NR5A2: variants seen among roughly 807,000 people sequenced by gnomAD.
NR5A2 encodes CYP7A promoter-binding factor.
A neutral mutation model predicts 62.7 loss-of-function variants in NR5A2; 26 were observed. The ratio of observed to expected loss-of-function variants is 0.41; its 90% CI spans 0.30 to 0.58. The LOEUF is 0.58. Ranked by LOEUF, NR5A2 falls within the 20% of genes least tolerant of loss-of-function variation. The probability of loss-of-function intolerance (pLI) is 0.22; values close to 1 mark genes in which losing one functional copy is unlikely to be tolerated. For synonymous variants in NR5A2, 246 were observed against 241.7 expected (o/e 1.02, Z -0.16); for missense variants, 541 against 669.1 (o/e 0.81, Z 2.11).
chr1:200,029,277 T>C (rs1236163849), intron 1 of NR5A2: 3 of 181,592 alleles, frequency 1.7e-5, no homozygotes, highest in Non-Finnish European at 3.3e-5. Context: ...GGGCTCCTGC[T>C]GCGCGCAGCC....
At chr1:200,137,127 GCC>G (rs1667256451) in intron 7 of NR5A2, among the ~76,000 whole-genome samples, 1 of 148,284 alleles carries the variant, frequency 6.7e-6, no homozygotes, top group African/African-American at 2.5e-5. Context: ...GAGCCACTGT[GCC>G]TGGCCAGATT....
rs3790782 is a variant in NR5A2, at chr1:200,173,435, G to A, written c.1379-528G>A. On this transcript the variant is annotated intron_variant, in intron 7 of 7. Coordinates refer to ENST00000367362, the MANE Select transcript of NR5A2 (RefSeq NM_205860.3). ...CTGGAGTGTACCAGATGGTTCATTA[G>A]CATAGGCTAGACAAGTCAAAGACTT... 4.2e-3 allele frequency among the ~76,000 whole-genome samples: 636 copies of A among 152,318 alleles called. 13 individuals carry two copies. Among genetic ancestry groups the A allele is most frequent in the East Asian group, 0.031 (163 of 5,184 alleles).
At chr1:200,146,422 GTTT>G (rs1303941381) in intron 7 of NR5A2, among the ~76,000 whole-genome samples, 1 of 152,164 alleles carries the variant, frequency 6.6e-6, no homozygotes, top group African/African-American at 2.4e-5. Flanking sequence ...AGGATAGTCG[GTTT>G]TTTAATGTGA....
In NR5A2 at chr1:200,039,822, G is replaced by C; in HGVS notation, c.202+27G>C. On this transcript the variant is annotated intron_variant, in intron 2 of 7. Transcript: ENST00000367362. The surrounding 1 kb of genome is among the most constrained non-coding windows in gnomAD (Gnocchi z 5.1). ...TAAGGAGGCGCCGCGCGGCGCTCCG[G>C]CTCCCGCTGCTTCCCCACCCCCGGG... 6.3e-7 allele frequency: 1 copy of C among 1,584,850 alleles called. No individual in the cohort carries two copies. The highest frequency in any genetic ancestry group is 8.6e-7 in the Non-Finnish European group (1 of 1,168,472).
chr1:200,036,265 A>T (rs1181816649), intron 1 of NR5A2, among the ~76,000 whole-genome samples: 1 of 152,112 alleles, frequency 6.6e-6, no homozygotes, highest in Non-Finnish European at 1.5e-5. Flanking sequence ...CCCATCTTAG[A>T]CACCGCAAAC....
chr1:200,090,501 G>A (rs1000331558), intron 5 of NR5A2, among the ~76,000 whole-genome samples: 2 of 152,186 alleles, frequency 1.3e-5, no homozygotes, highest in Admixed American at 6.5e-5. Flanking sequence ...ACATCTTGGT[G>A]TAATTGGAAA....
At chr1:200,069,090 C>T (rs1302246197) in intron 5 of NR5A2, among the ~76,000 whole-genome samples, 1 of 152,076 alleles carries the variant, frequency 6.6e-6, no homozygotes, top group East Asian at 1.9e-4. Context: ...TTAAGCATTC[C>T]ACCTTCTCCT....
intron 6 of NR5A2, among the ~76,000 whole-genome samples, chr1:200,119,191 C>T (rs1448954900): frequency 1.3e-5 from 2 of 152,170 alleles, no homozygotes; most frequent in Non-Finnish European, 2.9e-5. Flanking sequence ...AAATTCAACT[C>T]ATCATATTTA....
chr1:200,068,185 A>G (rs1197877964), intron 5 of NR5A2, among the ~76,000 whole-genome samples: 1 of 152,158 alleles, frequency 6.6e-6, no homozygotes, highest in African/African-American at 2.4e-5. Flanking sequence ...TTTCTTTTCT[A>G]TAGTAGCACA....
intron 5 of NR5A2, among the ~76,000 whole-genome samples, chr1:200,057,240 T>A (rs1468096876): frequency 6.6e-6 from 1 of 152,164 alleles, no homozygotes; most frequent in East Asian, 1.9e-4. Flanking sequence ...AGAAGAGAAG[T>A]AACTTTTCTT....
intron 5 of NR5A2, among the ~76,000 whole-genome samples, chr1:200,065,622 C>G (rs1219084073): frequency 6.6e-6 from 1 of 152,182 alleles, no homozygotes; most frequent in African/African-American, 2.4e-5. Flanking sequence ...CTACCCCAGA[C>G]CTGATGAATT....
chr1:200,155,423 A>G (rs1653330401), intron 7 of NR5A2, among the ~76,000 whole-genome samples: 1 of 152,236 alleles, frequency 6.6e-6, no homozygotes, highest in Non-Finnish European at 1.5e-5. Context: ...ACTTGGAGAA[A>G]GACAGGCCTT....
intron 5 of NR5A2, among the ~76,000 whole-genome samples, chr1:200,084,485 T>C (rs1241761972): frequency 6.6e-6 from 1 of 152,210 alleles, no homozygotes; most frequent in Admixed American, 6.5e-5. Context: ...TTAGTAACTT[T>C]ATATAGGTGA....
chr1:200,037,243 T>C (rs1431018185), intron 1 of NR5A2, among the ~76,000 whole-genome samples: 1 of 152,216 alleles, frequency 6.6e-6, no homozygotes, highest in Non-Finnish European at 1.5e-5. Context: ...GCAGGGTTTC[T>C]TGATACACTA....
intron 5 of NR5A2, among the ~76,000 whole-genome samples, chr1:200,090,818 G>A (rs1664781399): frequency 6.6e-6 from 1 of 152,122 alleles, no homozygotes; most frequent in Non-Finnish European, 1.5e-5. Flanking sequence ...CTGACAAACA[G>A]ACACAGGTTT....
chr1:200,069,255 C>A (rs1184774423), intron 5 of NR5A2, among the ~76,000 whole-genome samples: 1 of 134,548 alleles, frequency 7.4e-6, no homozygotes, highest in Non-Finnish European at 1.6e-5. Flanking sequence ...ATAAACAATT[C>A]ATATTCTTTT....
At chr1:200,043,921 TATA>T (rs745543769) in intron 3 of NR5A2, 29 bp downstream of exon 3, 1 of 1,433,322 alleles carries the variant, frequency 7.0e-7, no homozygotes, top group South Asian at 1.2e-5. Context: ...ACCTGAAAAA[TATA>T]ATGTCCAACA....
At chr1:200,112,276 A>G (rs1431804797) in intron 6 of NR5A2, among the ~76,000 whole-genome samples, 1 of 152,082 alleles carries the variant, frequency 6.6e-6, no homozygotes, top group Non-Finnish European at 1.5e-5. Context: ...TACTTAATAG[A>G]CCTAACTGCA....
At chr1:200,077,738 T>C (rs2821309) in intron 5 of NR5A2, among the ~76,000 whole-genome samples, 75,245 of 151,932 alleles carry the variant, frequency 0.5, 18,689 homozygotes, top group African/African-American at 0.54. Flanking sequence ...ACAAACAAAC[T>C]GGCAATTAAT....
Sources: gnomAD v4.1 joint callset for allele counts (sites outside exome capture counted in the v4.1 genomes callset) on GRCh38, gnomAD v4.1.1 for gene constraint, Gnocchi (gnomAD v3.1) non-coding constraint, MANE v1.5 for transcripts, NCBI Gene and HGNC (gene_info 2026-07-23, HGNC 2026-07-21) for gene names.